Variants in PDE4D observed in about 807,000 individuals in gnomAD.
The protein encoded by PDE4D is phosphodiesterase 4D, also known as 3',5'-cyclic-AMP phosphodiesterase 4D.
Under a neutral mutation model 87.4 loss-of-function variants are expected in PDE4D, and 24 were observed. That is an observed-to-expected ratio of 0.27 (90% CI 0.20 to 0.39). PDE4D has a LOEUF of 0.39. PDE4D is among the 10% of genes least tolerant of loss of function. The pLI, the probability that PDE4D is intolerant of heterozygous loss-of-function variation, is 1.00. For synonymous variants in PDE4D, 384 were observed against 383.2 expected, an observed-to-expected ratio of 1.00 and a Z score of -0.02; for missense variants, 714 against 1,041.0, an observed-to-expected ratio of 0.69 and a Z score of 4.32.
chr5:59,781,049 C>T (rs1764566123), intron 1 of PDE4D, among the ~76,000 whole-genome samples: 1 of 151,670 alleles, frequency 6.6e-6, no homozygotes, highest in Non-Finnish European at 1.5e-5. Context: ...GCCTGTAATC[C>T]CAGCTACTCA....
chr5:59,108,651 TGA>T (rs1455620632), intron 5 of PDE4D, among the ~76,000 whole-genome samples: 1 of 152,164 alleles, frequency 6.6e-6, no homozygotes, highest in African/African-American at 2.4e-5. Flanking sequence ...CCCAGCATTT[TGA>T]GAGGCCAAGG....
chr5:59,655,016 A>T (rs768265361), intron 1 of PDE4D, among the ~76,000 whole-genome samples: 6 of 151,988 alleles, frequency 3.9e-5, no homozygotes, highest in Non-Finnish European at 7.4e-5. Context: ...TGCTGTGAAC[A>T]TTTGTCTATG....
Position 59,124,949 on chromosome 5 carries a change from T to G in PDE4D, c.808+55646A>C, listed in dbSNP as rs573928389. On this transcript the variant is annotated intron_variant, in intron 5 of 14. Transcript: ENST00000340635. ...CTAGGTTTTGGATACATTTAAGATC[T>G]CTTGCTTTCTGGGTACATTTCTTTT... 2.7e-3 allele frequency among the ~76,000 whole-genome samples: 407 copies of G among 152,326 alleles called. 2 individuals are homozygous for G. The highest frequency in any genetic ancestry group is 9.4e-3 in the African/African-American group (390 of 41,580).
At chr5:59,143,008 G>T (rs10073292) in intron 5 of PDE4D, among the ~76,000 whole-genome samples, 57,611 of 151,914 alleles carry the variant, frequency 0.38, 11,338 homozygotes, top group African/African-American at 0.44. Context: ...AAAAATAACT[G>T]TATTTTTATT....
intron 1 of PDE4D, among the ~76,000 whole-genome samples, chr5:59,248,042 TAAAAAAAAAAAAA>T (rs70975306): frequency 1.6e-4 from 6 of 37,492 alleles, no homozygotes; most frequent in Non-Finnish European, 2.7e-4. Context: ...TATCTATTAG[TAAAAAAAAAAAAA>T]AAAAAAAAAA....
intron 5 of PDE4D, among the ~76,000 whole-genome samples, chr5:59,123,690 A>G (rs1394847684): frequency 6.6e-6 from 1 of 152,222 alleles, no homozygotes; most frequent in African/African-American, 2.4e-5. Context: ...TCTAACACTT[A>G]GCAGATAGAA....
intron 1 of PDE4D, among the ~76,000 whole-genome samples, chr5:59,793,681 A>G (rs1766086314): frequency 6.6e-6 from 1 of 152,222 alleles, no homozygotes; most frequent in South Asian, 2.1e-4. Context: ...ATGCAAAGGA[A>G]AGCTCTAGTA....
intron 2 of PDE4D, among the ~76,000 whole-genome samples, chr5:60,082,944 T>C (rs1050125452): frequency 1.3e-5 from 2 of 152,216 alleles, no homozygotes; most frequent in South Asian, 4.1e-4. Context: ...AATATTTTCT[T>C]CTCAGAGAAG....
chr5:59,821,551 A>C (rs1319595815), intron 1 of PDE4D, among the ~76,000 whole-genome samples: 1 of 152,240 alleles, frequency 6.6e-6, no homozygotes, highest in East Asian at 1.9e-4. Context: ...AATTCTGAAG[A>C]AATAAACTAA....
chr5:60,330,367 A>T (rs953073537), intron 1 of PDE4D, among the ~76,000 whole-genome samples: 11 of 152,234 alleles, frequency 7.2e-5, no homozygotes, highest in Non-Finnish European at 1.2e-4. Flanking sequence ...AATAAGCCCA[A>T]ACAATTAAGT....
Position 59,110,624 on chromosome 5 carries a change from C to T in PDE4D, c.808+69971G>A, listed in dbSNP as rs183518396. Reference sequence around the variant, plus strand: ...CCGTGGCTCATGCCTGTAATCCCAGCATTTTGGGAGGCTGAAGCAGGTGGA... The same window carrying T: ...CCGTGGCTCATGCCTGTAATCCCAGTATTTTGGGAGGCTGAAGCAGGTGGA... On this transcript the variant is annotated intron_variant, in intron 5 of 14. Transcript: ENST00000340635. Among the ~76,000 whole-genome samples, 46 of 152,280 alleles carry T rather than the reference C, an allele frequency of 3.0e-4. No homozygotes were observed. The East Asian group carries it at 8.9e-3, about 29-fold the overall frequency.
rs371252809 is a variant in PDE4D at position 59,528,592 on chromosome 5, G to GA, written c.456-312625dup. 2.9e-3 allele frequency among the ~76,000 whole-genome samples: 428 copies of GA among 147,462 alleles called. 9 individuals carry two copies. Among genetic ancestry groups the GA allele is most frequent in the African/African-American group, 9.8e-3 (396 of 40,348 alleles). On this transcript the variant is annotated intron_variant, in intron 1 of 14. Coordinates refer to ENST00000340635, the MANE Select transcript of PDE4D (RefSeq NM_001104631.2). ...ATAAATAACCCCAGGATGAGGCAAA[G>GA]AAAAAAAAAAGTCTCTATGATGTTC...
At chr5:59,011,698 T>TG (rs1394810205) in intron 6 of PDE4D, among the ~76,000 whole-genome samples, 2 of 152,268 alleles carry the variant, frequency 1.3e-5, no homozygotes, top group East Asian at 1.9e-4. Context: ...CTGAAAGTGA[T>TG]GGGAGAATGG....
intron 6 of PDE4D, among the ~76,000 whole-genome samples, chr5:59,010,166 A>G (rs1408374461): frequency 6.6e-6 from 1 of 152,138 alleles, no homozygotes; most frequent in Non-Finnish European, 1.5e-5. Context: ...TCTCTACTAA[A>G]AATACAAAAA....
chr5:60,242,269 A>C (rs1747214393), intron 1 of PDE4D, among the ~76,000 whole-genome samples: 1 of 152,172 alleles, frequency 6.6e-6, no homozygotes, highest in East Asian at 1.9e-4. Context: ...TCAATTCAGG[A>C]AGAGGGTATA....
chr5:59,730,684 A>C (rs1176603551), intron 1 of PDE4D, among the ~76,000 whole-genome samples: 1 of 152,132 alleles, frequency 6.6e-6, no homozygotes, highest in African/African-American at 2.4e-5. Context: ...TCCAGGGTTT[A>C]ATTTCAACAC....
At chr5:60,257,684 G>A (rs1562264889) in intron 1 of PDE4D, among the ~76,000 whole-genome samples, 1 of 151,946 alleles carries the variant, frequency 6.6e-6, no homozygotes, top group Non-Finnish European at 1.5e-5. Flanking sequence ...AGTAGATGCT[G>A]ACAGATTCAG....
chr5:59,502,347 A>G (rs1469551321), intron 1 of PDE4D, among the ~76,000 whole-genome samples: 1 of 152,146 alleles, frequency 6.6e-6, no homozygotes, highest in Non-Finnish European at 1.5e-5. Context: ...TCAGATTTAA[A>G]GCACTCAAAT....
chr5:59,044,648 A>G (rs1161921823), intron 5 of PDE4D, among the ~76,000 whole-genome samples: 1 of 152,164 alleles, frequency 6.6e-6, no homozygotes, highest in African/African-American at 2.4e-5. Context: ...ATTCTCTTTC[A>G]ATGTGTACAT....
Sources: gnomAD v4.1 joint callset for allele counts (sites outside exome capture counted in the v4.1 genomes callset) on GRCh38, gnomAD v4.1.1 for gene constraint, MANE v1.5 for transcripts, NCBI Gene and HGNC (gene_info 2026-07-23, HGNC 2026-07-21) for gene names.